Variants in NEDD9 observed in about 807,000 individuals in gnomAD.
NEDD9 encodes neural precursor cell expressed, developmentally down-regulated 9, also known as enhancer of filamentation 1.
NEDD9 carries 26 observed loss-of-function variants against 76.6 expected under a neutral mutation model. That is an observed-to-expected ratio of 0.34 (90% CI 0.25 to 0.47). NEDD9 has a LOEUF of 0.47. Among genes scored for constraint, NEDD9 ranks in the 20% least tolerant of loss-of-function variants. NEDD9 has a pLI of 1.00. For missense variants in NEDD9, 937 were observed against 1,058.5 expected (o/e 0.89, Z 1.59); for synonymous variants, 392 against 414.2 (o/e 0.95, Z 0.65).
intron 1 of NEDD9, among the ~76,000 whole-genome samples, chr6:11,353,027 G>A (rs1023877802): frequency 6.6e-6 from 1 of 152,218 alleles, no homozygotes; most frequent in East Asian, 1.9e-4. Context: ...CCTCTTGAGC[G>A]ATCACCTTTG....
At chr6:11,225,458 G>T (rs893838777) in intron 1 of NEDD9, among the ~76,000 whole-genome samples, 18 of 152,124 alleles carry the variant, frequency 1.2e-4, no homozygotes, top group African/African-American at 4.3e-4. Context: ...GTTAGTGAGG[G>T]GATTAGGGAG....
chr6:11,187,647 G>A (rs1031560850), intron 6 of NEDD9, among the ~76,000 whole-genome samples: 4 of 152,178 alleles, frequency 2.6e-5, no homozygotes, highest in African/African-American at 9.7e-5. Flanking sequence ...GCTAACCATC[G>A]GAAGAGGAAG....
chr6:11,213,718 C>A lies in NEDD9; in HGVS notation c.22G>T (p.Ala8Ser), dbSNP rs748777757. 1 of 1,613,650 alleles carries A rather than the reference C, an allele frequency of 6.2e-7. No individual in the cohort carries two copies. The highest frequency in any genetic ancestry group is 1.7e-5 in the Admixed American group (1 of 60,008). Residue 8 changes from alanine (A) to serine (S), a missense_variant, in exon 2 of 7, where the codon GCA becomes TCA. Transcript: ENST00000379446. This position sits in a 1 kb window ranked among gnomAD's most constrained non-coding sequence, Gnocchi z 5.4. Reference sequence around the variant, plus strand: ...GGGACATTGTCATATAAGGCCCTTGCCATAAGATTCTAGGAGGGAAGGAAG... The same window carrying A: ...GGGACATTGTCATATAAGGCCCTTGACATAAGATTCTAGGAGGGAAGGAAG... MKYKNLM[A>S]RALYDNVPEC...
rs1156791085 is a variant in NEDD9 at position 11,241,637 on chromosome 6, G to A, written c.13-27910C>T. ...GGTAGGGACAGTACACAATGGGGGA[G>A]AAGGGAGTGTTTTAAACACCAAATG... On this transcript the variant is annotated intron_variant, in intron 3 of 3. Coordinates refer to the NEDD9 transcript ENST00000397378. The surrounding 1 kb of genome is among the most constrained non-coding windows in gnomAD (Gnocchi z 4.0). 6.6e-6 allele frequency among the ~76,000 whole-genome samples: 1 copy of A among 152,190 alleles called. No homozygotes were observed. Among genetic ancestry groups the A allele is most frequent in the Non-Finnish European group, 1.5e-5 (1 of 68,038 alleles).
In NEDD9 at chr6:11,206,185, G is replaced by A. The variant is rs369922678; in HGVS notation, c.459+7096C>T. Reference sequence around the variant, plus strand: ...TGTAATCCCAGCACTTTGGGAGGCCGAGGTGGGCAGATCACCTGAGATCAG... The same window carrying A: ...TGTAATCCCAGCACTTTGGGAGGCCAAGGTGGGCAGATCACCTGAGATCAG... On this transcript the variant is annotated intron_variant, in intron 2 of 6. Coordinates refer to ENST00000379446, the MANE Select transcript of NEDD9 (RefSeq NM_006403.4). Among the ~76,000 whole-genome samples the A allele has an allele frequency of 2.0e-5, 3 of 152,210 alleles. No homozygotes were observed. In the East Asian group the frequency reaches 5.8e-4, roughly 29 times the overall value.
intron 6 of NEDD9, among the ~76,000 whole-genome samples, 160 bp from the exon 7 acceptor site, chr6:11,185,831 T>C (rs142509658): frequency 5.4e-4 from 83 of 152,294 alleles, no homozygotes; most frequent in African/African-American, 1.8e-3. Context: ...CTTTCCTAAA[T>C]TGTAAAATGT....
intron 3 of NEDD9, among the ~76,000 whole-genome samples, chr6:11,276,168 T>A (rs1031720338): frequency 6.6e-6 from 1 of 152,198 alleles, no homozygotes; most frequent in African/African-American, 2.4e-5. Context: ...AGAAATCTAA[T>A]TAAAACCTCC....
At chr6:11,365,884 G>T (rs550042241) in intron 1 of NEDD9, among the ~76,000 whole-genome samples, 2 of 152,052 alleles carry the variant, frequency 1.3e-5, no homozygotes, top group Non-Finnish European at 1.5e-5. Context: ...CCAACTACTC[G>T]GGGGGCTGAG....
At chr6:11,367,281 G>A (rs1281701084) in intron 1 of NEDD9, among the ~76,000 whole-genome samples, 6 of 152,358 alleles carry the variant, frequency 3.9e-5, no homozygotes, top group African/African-American at 1.4e-4. Flanking sequence ...TGGGATTAAG[G>A]AAGACAAAAG....
chr6:11,275,565 C>CACACACACACACACACACATATAT (rs551632582), intron 3 of NEDD9, among the ~76,000 whole-genome samples: 7 of 150,184 alleles, frequency 4.7e-5, no homozygotes, highest in African/African-American at 1.7e-4. Flanking sequence ...CACACACACA[C>CACACACACACACACACACATATAT]ATATATATAT....
intron 3 of NEDD9, chr6:11,249,254 G>A: frequency 2.3e-6 from 1 of 443,136 alleles, no homozygotes; most frequent in Non-Finnish European, 4.5e-6. Flanking sequence ...ATAGGGTTAA[G>A]TTTGACTGTG....
intron 1 of NEDD9, among the ~76,000 whole-genome samples, chr6:11,228,476 G>A (rs981723120): frequency 3.9e-5 from 6 of 152,182 alleles, no homozygotes; most frequent in African/African-American, 1.4e-4. Context: ...GTCGCAGTGA[G>A]CTGAGGTGGC....
At chr6:11,345,887 C>A (rs1762355196) in intron 1 of NEDD9, among the ~76,000 whole-genome samples, 1 of 152,218 alleles carries the variant, frequency 6.6e-6, no homozygotes, top group Admixed American at 6.5e-5. Flanking sequence ...CTGGCTCATG[C>A]CTTGCAGGCC....
At chr6:11,197,131 G>T (rs890058098) in intron 2 of NEDD9, among the ~76,000 whole-genome samples, 1 of 152,166 alleles carries the variant, frequency 6.6e-6, no homozygotes, top group East Asian at 1.9e-4. Flanking sequence ...AAGTTTGGAA[G>T]AATTCTCCTA....
intron 3 of NEDD9, among the ~76,000 whole-genome samples, chr6:11,261,331 G>C (rs1760109747): frequency 6.6e-6 from 1 of 152,120 alleles, no homozygotes; most frequent in South Asian, 2.1e-4. Flanking sequence ...AGTCTTTGGA[G>C]GATAAGTAAC....
At chr6:11,285,499 A>G (rs1760628844) in intron 3 of NEDD9, among the ~76,000 whole-genome samples, 1 of 152,224 alleles carries the variant, frequency 6.6e-6, no homozygotes, top group South Asian at 2.1e-4. Flanking sequence ...TCGATTCTGA[A>G]CTTCATATAG....
intron 2 of NEDD9, among the ~76,000 whole-genome samples, chr6:11,327,852 A>C (rs1761961792): frequency 6.6e-6 from 1 of 152,116 alleles, no homozygotes; most frequent in Non-Finnish European, 1.5e-5. Context: ...CTTAATCCAC[A>C]CCTGGGAGAA....
intron 4 of NEDD9, among the ~76,000 whole-genome samples, chr6:11,191,595 C>G (rs1281678532): frequency 6.6e-6 from 1 of 152,182 alleles, no homozygotes; most frequent in Admixed American, 6.5e-5. Flanking sequence ...GCATAGGCGT[C>G]TGAAACACAG....
chr6:11,222,577 T>A (rs1759174758), intron 1 of NEDD9, among the ~76,000 whole-genome samples: 1 of 152,218 alleles, frequency 6.6e-6, no homozygotes, highest in Non-Finnish European at 1.5e-5. Context: ...TACACGCACA[T>A]GTTATACACC....
Sources: allele counts gnomAD v4.1 joint callset (sites outside exome capture counted in the v4.1 genomes callset), GRCh38; gene constraint gnomAD v4.1.1; non-coding constraint Gnocchi (gnomAD v3.1); transcripts MANE v1.5; gene names NCBI Gene and HGNC (gene_info 2026-07-23, HGNC 2026-07-21).